Variants in GPATCH8 observed in about 807,000 individuals in gnomAD.
The protein encoded by GPATCH8 is G patch domain-containing protein 8.
In GPATCH8, 18 loss-of-function variants were observed where a neutral mutation model predicts 118.3. That is an observed-to-expected ratio of 0.15 (90% CI 0.11 to 0.23). The LOEUF is 0.23. Among genes scored for constraint, GPATCH8 ranks in the 10% least tolerant of loss-of-function variants. The pLI, the probability that GPATCH8 is intolerant of heterozygous loss-of-function variation, is 1.00. For synonymous variants in GPATCH8, 659 were observed against 684.7 expected (o/e 0.96, Z 0.59); for missense variants, 1,631 against 1,873.8 (o/e 0.87, Z 2.39).
At position 44,396,843 on chromosome 17, in the gene GPATCH8, G is replaced by A. The variant is rs948245694; in HGVS notation, c.*725C>T. 3.5e-5 allele frequency: 16 copies of A among 454,262 alleles called. No individual in the cohort carries two copies. The highest frequency in any genetic ancestry group is 6.6e-5 in the Non-Finnish European group (15 of 226,800). 28.1% of individuals were successfully genotyped at this position (454,262 alleles called of 1,614,324 possible). On this transcript the variant is annotated 3_prime_UTR_variant, in exon 8 of 8. Transcript: ENST00000591680. ...AGAAGAAAATATACCCTTCACTTTAGACACATGAGCTCCTCTCTGGGCCAT... is the reference window on the plus strand; with the variant it reads ...AGAAGAAAATATACCCTTCACTTTAAACACATGAGCTCCTCTCTGGGCCAT...
chr17:44,436,750 C>CTTT, intron 3 of GPATCH8: 2 of 497,258 alleles, frequency 4.0e-6, no homozygotes, highest in Non-Finnish European at 7.3e-6. Flanking sequence ...TGGCTGACGT[C>CTTT]CAGTTGGGAT....
intron 2 of GPATCH8, among the ~76,000 whole-genome samples, chr17:44,466,923 T>C (rs1333467341): frequency 3.3e-5 from 5 of 151,632 alleles, no homozygotes; most frequent in Admixed American, 1.3e-4. Flanking sequence ...CCCCTCCATT[T>C]TGTTGTTGTT....
In GPATCH8 at chr17:44,396,851, A is replaced by G; in HGVS notation, c.*717T>C. ...ATATACCCTTCACTTTAGACACATG[A>G]GCTCCTCTCTGGGCCATACAGCTTT... On this transcript the variant is annotated 3_prime_UTR_variant, in exon 8 of 8. Transcript: ENST00000591680. 1 of 454,358 alleles carries G rather than the reference A, an allele frequency of 2.2e-6. No individual in the cohort carries two copies. Among genetic ancestry groups the G allele is most frequent in the Non-Finnish European group, 4.4e-6 (1 of 226,768 alleles). 28.1% of individuals were successfully genotyped at this position (454,358 alleles called of 1,614,324 possible). A position where few individuals can be genotyped will look rare whatever the true frequency, so the allele number is the denominator to read the frequency against.
chr17:44,406,496 T>TGGGGGC (rs1555622786), intron 6 of GPATCH8, among the ~76,000 whole-genome samples: 5 of 21,078 alleles, frequency 2.4e-4, no homozygotes, highest in African/African-American at 8.4e-4. Context: ...ACAGCTTACA[T>TGGGGGC]GGGGGGGGGG....
chr17:44,418,537 T>G (rs570805692), intron 6 of GPATCH8, among the ~76,000 whole-genome samples: 6 of 151,500 alleles, frequency 4.0e-5, no homozygotes, highest in Admixed American at 3.3e-4. Context: ...TCACTGCAAC[T>G]TCCACCTCCC....
intron 3 of GPATCH8, among the ~76,000 whole-genome samples, chr17:44,442,834 T>TGGC (rs1555633734): frequency 4.6e-5 from 7 of 152,156 alleles, no homozygotes; most frequent in African/African-American, 1.7e-4. Flanking sequence ...TCCCAGCACT[T>TGGC]GGGGAGGCCA....
intron 7 of GPATCH8, among the ~76,000 whole-genome samples, chr17:44,404,589 C>T (rs889839048): frequency 2.0e-5 from 3 of 152,098 alleles, no homozygotes; most frequent in African/African-American, 7.2e-5. Context: ...GTAAGTTGTT[C>T]TTATCTCTAT....
chr17:44,454,723 C>G (rs2051261746), intron 3 of GPATCH8, among the ~76,000 whole-genome samples: 1 of 152,168 alleles, frequency 6.6e-6, no homozygotes, highest in African/African-American at 2.4e-5. Context: ...ACATCCGGTC[C>G]TTTCCTTTTC....
chr17:44,399,375 G>A lies in GPATCH8; in HGVS notation c.2702C>T (p.Ser901Leu). The change falls in exon 8 of 8, where the codon TCA (serine) becomes TTA (leucine). Residue 901 changes from serine to leucine, a missense_variant. Ser to Leu is a moderately radical substitution (Grantham distance 145, BLOSUM62 -2). Transcript: ENST00000591680. The stretch of plus-strand genomic sequence containing the variant: ...ATGGGAGCGCTTGGAGTGCCTTCGT[G>A]ATCTGTCACTGTAGTCACTGTAGCT... ...DDSYSDYSDR[S>L]RRHSKRSHDS... 6.2e-7 allele frequency: 1 copy of A among 1,614,076 alleles called. No homozygotes were observed. Among genetic ancestry groups the A allele is most frequent in the Non-Finnish European group, 8.5e-7 (1 of 1,179,940 alleles).
intron 1 of GPATCH8, among the ~76,000 whole-genome samples, chr17:44,480,642 C>G (rs868030547): frequency 3.8e-4 from 57 of 151,204 alleles, no homozygotes; most frequent in African/African-American, 1.4e-3. Flanking sequence ...ATCGCTTGAA[C>G]CCGGAAGGAG....
At position 44,503,013 on chromosome 17, in the gene GPATCH8, C is replaced by T; in HGVS notation, c.45+313G>A. On this transcript the variant is annotated intron_variant, in intron 1 of 7. Transcript: ENST00000591680. The stretch of plus-strand genomic sequence containing the variant: ...TGTCCCCTGGGAGCCAGCCCTTCGC[C>T]GGCACAGATCGGGCAGACCTGGAGG... Among the ~76,000 whole-genome samples the T allele has an allele frequency of 1.3e-5, 2 of 152,212 alleles. 1 individual carries two copies. The highest frequency in any genetic ancestry group is 2.9e-5 in the Non-Finnish European group (2 of 68,042).
At chr17:44,432,742 G>A (rs76343040) in intron 5 of GPATCH8, among the ~76,000 whole-genome samples, 4 of 152,224 alleles carry the variant, frequency 2.6e-5, no homozygotes, top group African/African-American at 9.6e-5. Context: ...GAATAAAGGA[G>A]TGACAGCAGG....
chr17:44,479,615 A>ATTTTT (rs1968049674), intron 1 of GPATCH8, among the ~76,000 whole-genome samples: 1 of 152,232 alleles, frequency 6.6e-6, no homozygotes, highest in South Asian at 2.1e-4. Context: ...AATCTTTGTG[A>ATTTTT]CCACAGGCTA....
rs2048865711 is a variant in GPATCH8 at position 44,398,471 on chromosome 17, T to A, written c.3606A>T (p.Leu1202Phe). The change falls in exon 8 of 8, where the codon TTA (leucine) becomes TTT (phenylalanine). Residue 1202 changes from leucine (L) to phenylalanine (F), a missense_variant. Transcript: ENST00000591680. The stretch of plus-strand genomic sequence containing the variant: ...TTGACTCTTCTGGGGGTGGGTCTAA[T>A]AAGGGGCCAGTTGTTTCCTCTGAAG... ...QFPSEETTGP[L>F]LDPPPEESKS... 1 of 1,611,052 alleles carries A rather than the reference T, an allele frequency of 6.2e-7. No homozygotes were observed. The highest frequency in any genetic ancestry group is 1.3e-5 in the African/African-American group (1 of 74,868).
chr17:44,461,053 T>G (rs138123767), intron 3 of GPATCH8, among the ~76,000 whole-genome samples: 2 of 152,204 alleles, frequency 1.3e-5, no homozygotes, highest in African/African-American at 4.8e-5. Context: ...ATAAAGATAC[T>G]AATCATTTAA....
chr17:44,419,915 G>C (rs2049833150), intron 6 of GPATCH8, among the ~76,000 whole-genome samples: 1 of 151,970 alleles, frequency 6.6e-6, no homozygotes, highest in Non-Finnish European at 1.5e-5. Flanking sequence ...ATAACATTCT[G>C]TTTTGAGATC....
intron 5 of GPATCH8, among the ~76,000 whole-genome samples, chr17:44,426,331 G>A (rs1375971896): frequency 1.1e-4 from 17 of 152,108 alleles, no homozygotes; most frequent in African/African-American, 3.1e-4. Flanking sequence ...GGCCAGGTGC[G>A]GTGGCTCACG....
intron 6 of GPATCH8, among the ~76,000 whole-genome samples, chr17:44,415,864 A>C (rs1191328744): frequency 1.3e-5 from 2 of 152,246 alleles, no homozygotes; most frequent in African/African-American, 4.8e-5. Context: ...ATTGAGTGCC[A>C]AAATGAAGAA....
Position 44,397,466 on chromosome 17 carries a change from G to T in GPATCH8, c.*102C>A. 1 of 825,436 alleles carries T rather than the reference G, an allele frequency of 1.2e-6. No homozygotes were observed. Among genetic ancestry groups the T allele is most frequent in the Non-Finnish European group, 2.1e-6 (1 of 478,498 alleles). The allele number at this position is 825,436 out of a possible 1,614,324, so 51.1% of individuals were successfully genotyped here. On this transcript the variant is annotated 3_prime_UTR_variant, in exon 8 of 8. Transcript: ENST00000591680. Reference sequence around the variant, plus strand: ...CTCAATTCTTTGGCTGTCAGACACTGCCCATCCCAGCTTCTACTTGCTGGT... The same window carrying T: ...CTCAATTCTTTGGCTGTCAGACACTTCCCATCCCAGCTTCTACTTGCTGGT...
Sources: allele counts gnomAD v4.1 joint callset (sites outside exome capture counted in the v4.1 genomes callset), GRCh38; gene constraint gnomAD v4.1.1; transcripts MANE v1.5; gene names NCBI Gene and HGNC (gene_info 2026-07-23, HGNC 2026-07-21).